Variants in ZNF746 observed in about 807,000 individuals in gnomAD.
ZNF746 encodes zinc finger protein 746.
ZNF746 carries 13 observed loss-of-function variants against 41.0 expected under a neutral mutation model. That is an observed-to-expected ratio of 0.32 (90% confidence interval 0.21 to 0.50). The LOEUF (loss-of-function observed/expected upper bound fraction) is 0.50. Ranked by LOEUF, ZNF746 falls within the 20% of genes least tolerant of loss-of-function variation. The pLI is 0.98. For synonymous variants in ZNF746, 424 were observed against 396.2 expected (o/e 1.07, Z -0.83); for missense variants, 811 against 922.9 (o/e 0.88, Z 1.57).
At chr7:149,478,736 T>C (rs1239835764) in intron 4 of ZNF746, among the ~76,000 whole-genome samples, 1 of 152,216 alleles carries the variant, frequency 6.6e-6, no homozygotes, top group Non-Finnish European at 1.5e-5. Context: ...GGCTGAATGA[T>C]ACAGTAACCT....
chr7:149,476,839 C>G, intron 6 of ZNF746, 83 bp downstream of exon 6: 1 of 1,592,538 alleles, frequency 6.3e-7, no homozygotes, highest in East Asian at 2.2e-5. Context: ...CAGAGCAGTT[C>G]ACCAGTGAAA....
rs1800194567 is a variant in ZNF746 at position 149,474,134 on chromosome 7, A to C, written c.*250T>G. 3.7e-6 allele frequency: 2 copies of C among 534,244 alleles called. No individual in the cohort carries two copies. The highest frequency in any genetic ancestry group is 2.5e-5 in the South Asian group (1 of 40,180). The allele number at this position is 534,244 out of a possible 1,614,324, so 33.1% of individuals were successfully genotyped here. ...AATTAAAAAAAAACAAAAAACAAAA[A>C]ACAAAACAGGTTTGCAATTAAATTA... On this transcript the variant is annotated 3_prime_UTR_variant, in exon 7 of 7. Transcript: ENST00000458143. This position sits in a 1 kb window ranked among gnomAD's most constrained non-coding sequence, Gnocchi z 6.3.
rs17171233 is a variant in ZNF746 at position 149,486,808 on chromosome 7, T to C, written c.565+6051A>G. ...GGACGGGGGTCCAAGAGGTTCAAGC[T>C]GTGGTCTCTCTCATGCTGGGTGTTG... On this transcript the variant is annotated intron_variant, in intron 4 of 6. Transcript: ENST00000458143. Among the ~76,000 whole-genome samples the C allele has an allele frequency of 0.016, 2,454 of 152,318 alleles. 132 individuals are homozygous for C. The East Asian group carries it at 0.2, about 12-fold the overall frequency.
At chr7:149,484,907 T>C (rs1041753753) in intron 4 of ZNF746, among the ~76,000 whole-genome samples, 3 of 152,068 alleles carry the variant, frequency 2.0e-5, no homozygotes, top group Non-Finnish European at 4.4e-5. Flanking sequence ...AGTTACAATT[T>C]TTCTTCCTTA....
chr7:149,493,303 G>A (rs1221779628), intron 3 of ZNF746, among the ~76,000 whole-genome samples: 35 of 152,204 alleles, frequency 2.3e-4, no homozygotes, highest in Non-Finnish European at 1.5e-4. Context: ...TGAAGAAACT[G>A]CCACAGAGCG....
rs376630928 is a variant in ZNF746, at chr7:149,474,315, G to A, written c.*69C>T. 4.8e-5 allele frequency: 73 copies of A among 1,532,256 alleles called. No individual in the cohort carries two copies. In the African/African-American group the frequency reaches 8.9e-4, roughly 19 times the overall value. 94.9% of individuals were successfully genotyped at this position (1,532,256 alleles called of 1,614,324 possible). A position where few individuals can be genotyped will look rare whatever the true frequency, so the allele number is the denominator to read the frequency against. Reference sequence around the variant, plus strand: ...TCCCGCGTCTGCCTGAAGCTTCCACGCCGCCCTGCTGCCTGCACACGGGGC... The same window carrying A: ...TCCCGCGTCTGCCTGAAGCTTCCACACCGCCCTGCTGCCTGCACACGGGGC... On this transcript the variant is annotated 3_prime_UTR_variant, in exon 7 of 7. Transcript: ENST00000458143. The surrounding 1 kb of genome is among the most constrained non-coding windows in gnomAD (Gnocchi z 6.3).
rs1229742336 is a variant in ZNF746, at chr7:149,497,545, G to T, written c.-9C>A. On this transcript the variant is annotated 5_prime_UTR_variant, in exon 1 of 7. Coordinates refer to ENST00000458143, the MANE Select transcript of ZNF746 (RefSeq NM_001394198.1). The surrounding 1 kb of genome is among the most constrained non-coding windows in gnomAD (Gnocchi z 4.2). ...GCGACCGCCTCGGCCATGGCCCTGC[G>T]CTGTCCCGCCCGGCCCGGAGGAAGT... 1.9e-6 allele frequency: 2 copies of T among 1,079,250 alleles called. No individual in the cohort carries two copies. Among genetic ancestry groups the T allele is most frequent in the Non-Finnish European group, 2.2e-6 (2 of 893,804 alleles). The allele number at this position is 1,079,250 out of a possible 1,614,324, so 66.9% of individuals were successfully genotyped here.
intron 4 of ZNF746, chr7:149,489,010 A>T (rs1800709968): frequency 6.6e-6 from 1 of 152,240 alleles, no homozygotes; most frequent in Non-Finnish European, 1.5e-5. Flanking sequence ...CTTGATCTAC[A>T]TGTATCAACA....
intron 4 of ZNF746, chr7:149,477,978 G>A (rs1260505311): frequency 9.1e-6 from 4 of 441,760 alleles, no homozygotes; most frequent in Admixed American, 3.8e-5. Flanking sequence ...TGAGGCGGGG[G>A]AGGGGAAGAA....
intron 4 of ZNF746, chr7:149,489,125 G>A (rs1401847327): frequency 1.3e-5 from 2 of 152,012 alleles, no homozygotes; most frequent in Non-Finnish European, 2.9e-5. Context: ...AGCTACCAAA[G>A]TACACAGCAG....
rs1362957576 is a variant in ZNF746, at chr7:149,497,258, C to G, written c.24+255G>C. On this transcript the variant is annotated intron_variant, in intron 1 of 6. Transcript: ENST00000458143. This position sits in a 1 kb window ranked among gnomAD's most constrained non-coding sequence, Gnocchi z 4.2. ...CGGGGGCAGGAAGCCCCGGAGGGCCCAAAGAACTTGGCGTGGGGCGGCCCG... is the reference window on the plus strand; with the variant it reads ...CGGGGGCAGGAAGCCCCGGAGGGCCGAAAGAACTTGGCGTGGGGCGGCCCG... The G allele has an allele frequency of 4.1e-6, 4 of 985,022 alleles. No individual in the cohort carries two copies. The highest frequency in any genetic ancestry group is 3.6e-6 in the Non-Finnish European group (3 of 829,744). The allele number at this position is 985,022 out of a possible 1,614,324, so 61.0% of individuals were successfully genotyped here. A position where few individuals can be genotyped will look rare whatever the true frequency, so the allele number is the denominator to read the frequency against.
In ZNF746 at chr7:149,472,833, CTTAT is replaced by C. The variant is rs1800144964; in HGVS notation, c.*1547_*1550del. ...GTTTTATTTTAACAGGATGTTTTCT[CTTAT>C]TTTTCAAAATATCAGTTATATCAAT... On this transcript the variant is annotated 3_prime_UTR_variant, in exon 7 of 7. Transcript: ENST00000458143. 2 of 152,576 alleles carry C rather than the reference CTTAT, an allele frequency of 1.3e-5. No homozygotes were observed. Among genetic ancestry groups the C allele is most frequent in the Non-Finnish European group, 2.9e-5 (2 of 68,034 alleles). 9.5% of individuals were successfully genotyped at this position (152,576 alleles called of 1,614,324 possible). A position where few individuals can be genotyped will look rare whatever the true frequency, so the allele number is the denominator to read the frequency against.
At position 149,475,469 on chromosome 7, in the gene ZNF746, C is replaced by T; in HGVS notation, c.898G>A (p.Val300Ile). 1 of 1,611,916 alleles carries T rather than the reference C, an allele frequency of 6.2e-7. No homozygotes were observed. The highest frequency in any genetic ancestry group is 8.5e-7 in the Non-Finnish European group (1 of 1,178,508). ...TCTTCCTGGACTTCTGTTTTTATTA[C>T]AATTTTTACATCTGCTGAGAAAGAC... ...AASTEADVKI[V>I]IKTEVQEEEV... Residue 300 changes from valine to isoleucine, a missense_variant, in exon 7 of 7, where the codon GTA (valine) becomes ATA (isoleucine). Transcript: ENST00000458143.
chr7:149,492,552 G>C (rs974791476), intron 4 of ZNF746, among the ~76,000 whole-genome samples: 3 of 152,078 alleles, frequency 2.0e-5, no homozygotes, highest in Non-Finnish European at 2.9e-5. Context: ...CTGCGTTAAG[G>C]GTCAACTATG....
In ZNF746 at chr7:149,497,664, T is replaced by C; in HGVS notation, c.-128A>G. The C allele has an allele frequency of 1.4e-6, 1 of 713,982 alleles. No individual in the cohort carries two copies. The highest frequency in any genetic ancestry group is 1.7e-6 in the Non-Finnish European group (1 of 579,166). The allele number at this position is 713,982 out of a possible 1,614,324, so 44.2% of individuals were successfully genotyped here. A position where few individuals can be genotyped will look rare whatever the true frequency, so the allele number is the denominator to read the frequency against. ...TGCCTGGCCTTTCCTCTGCCGCCGC[T>C]CCTCGCTGGCTGCCCCTGCGCCGCG... On this transcript the variant is annotated 5_prime_UTR_variant, in exon 1 of 7. Transcript: ENST00000458143. The surrounding 1 kb of genome is among the most constrained non-coding windows in gnomAD (Gnocchi z 4.2).
Position 149,475,465 on chromosome 7 carries a change from A to G in ZNF746, c.902T>C (p.Ile301Thr). 6.2e-7 allele frequency: 1 copy of G among 1,612,046 alleles called. No homozygotes were observed. The highest frequency in any genetic ancestry group is 8.5e-7 in the Non-Finnish European group (1 of 1,178,612). ...CTCCTCTTCCTGGACTTCTGTTTTT[A>G]TTACAATTTTTACATCTGCTGAGAA... ...ASTEADVKIV[I>T]KTEVQEEEVV... Residue 301 changes from isoleucine to threonine, a missense_variant, in exon 7 of 7, where the codon ATA becomes ACA. Ile to Thr is a moderately conservative substitution (Grantham distance 89, BLOSUM62 -1). Transcript: ENST00000458143.
intron 4 of ZNF746, among the ~76,000 whole-genome samples, chr7:149,486,926 T>G (rs1418004795): frequency 1.3e-5 from 2 of 152,224 alleles, no homozygotes; most frequent in African/African-American, 4.8e-5. Flanking sequence ...GTAACAATGT[T>G]GTAAAACAGG....
intron 4 of ZNF746, among the ~76,000 whole-genome samples, chr7:149,480,972 CAAATTGGTG>C (rs1486422745): frequency 3.3e-5 from 5 of 152,006 alleles, no homozygotes; most frequent in Non-Finnish European, 5.9e-5. Context: ...CACATTTTCC[CAAATTGGTG>C]AAACATTTCA....
Position 149,497,440 on chromosome 7 carries a change from G to A in ZNF746, c.24+73C>T. ...CCCGGAACCCCTCCCCAGGGCCTGC[G>A]GCGCCGTGTGCCGGGGCCGGGCCGC... On this transcript the variant is annotated intron_variant, in intron 1 of 6. Transcript: ENST00000458143. The surrounding 1 kb of genome is among the most constrained non-coding windows in gnomAD (Gnocchi z 4.2). 3 of 1,055,200 alleles carry A rather than the reference G, an allele frequency of 2.8e-6. No homozygotes were observed. Among genetic ancestry groups the A allele is most frequent in the Non-Finnish European group, 3.4e-6 (3 of 876,246 alleles). 65.4% of individuals were successfully genotyped at this position (1,055,200 alleles called of 1,614,324 possible).
Sources: gnomAD v4.1 joint callset for allele counts (sites outside exome capture counted in the v4.1 genomes callset) on GRCh38, gnomAD v4.1.1 for gene constraint, Gnocchi (gnomAD v3.1) non-coding constraint, MANE v1.5 for transcripts, NCBI Gene and HGNC (gene_info 2026-07-23, HGNC 2026-07-21) for gene names.